Variants in SYNE3 observed in about 807,000 individuals in gnomAD.
SYNE3 encodes the protein nesprin-3.
SYNE3 carries 100 observed loss-of-function variants against 111.2 expected under a neutral mutation model. That is an observed-to-expected ratio of 0.90 (90% CI 0.77 to 1.06). The LOEUF is 1.06. Ranked by LOEUF, SYNE3 falls within the 50% of genes least tolerant of loss-of-function variation. The pLI, the probability that SYNE3 is intolerant of heterozygous loss-of-function variation, is 0.00. For synonymous variants in SYNE3, 547 were observed against 533.9 expected (o/e 1.02, Z -0.34); for missense variants, 1,160 against 1,240.3 (o/e 0.94, Z 0.97).
rs1418739998 is a variant in SYNE3, at chr14:95,414,654, C to T, written c.*3172G>A. On this transcript the variant is annotated 3_prime_UTR_variant, in exon 18 of 18. Coordinates refer to ENST00000682763, the MANE Select transcript of SYNE3 (RefSeq NM_152592.6). ...AACCGACCCACTGGTGGTCCTTTCT[C>T]CCTCCTCTCCTTCCCTCCTCTCTCT... 1 of 151,572 alleles carries T rather than the reference C, an allele frequency of 6.6e-6. No individual in the cohort carries two copies. Among genetic ancestry groups the T allele is most frequent in the Non-Finnish European group, 1.5e-5 (1 of 68,192 alleles). 9.4% of individuals were successfully genotyped at this position (151,572 alleles called of 1,614,324 possible).
chr14:95,495,971 C>G (rs1489896396), intron 1 of SYNE3, among the ~76,000 whole-genome samples: 1 of 152,200 alleles, frequency 6.6e-6, no homozygotes, highest in Non-Finnish European at 1.5e-5. Flanking sequence ...TGAAATGAAT[C>G]AGGCAGAGCA....
chr14:95,432,148 G>A lies in SYNE3; in HGVS notation c.2689-31C>T, dbSNP rs1201819023. 6 of 1,600,460 alleles carry A rather than the reference G, an allele frequency of 3.7e-6. No individual in the cohort carries two copies. In the Admixed American group the frequency reaches 6.9e-5, roughly 18 times the overall value. On this transcript the variant is annotated intron_variant, in intron 16 of 17. Transcript: ENST00000682763. ...ATTTTAGGGAAGGAGAGGAAAAGGG[G>A]GGAAAAAAATAAGTTAAGTGAGTGA...
At chr14:95,448,216 T>C (rs1886830584) in intron 8 of SYNE3, among the ~76,000 whole-genome samples, 1 of 152,212 alleles carries the variant, frequency 6.6e-6, no homozygotes, top group African/African-American at 2.4e-5. Flanking sequence ...TAATCAGATA[T>C]AAAGGACAGA....
intron 1 of SYNE3, among the ~76,000 whole-genome samples, chr14:95,502,623 G>T (rs1890379189): frequency 6.6e-6 from 1 of 152,136 alleles, no homozygotes; most frequent in African/African-American, 2.4e-5. Flanking sequence ...CCAAACTGAA[G>T]CAACAAGCAA....
chr14:95,426,943 C>CAAAA (rs574423106), intron 17 of SYNE3, among the ~76,000 whole-genome samples: 3 of 104,852 alleles, frequency 2.9e-5, no homozygotes, highest in East Asian at 2.8e-4. Flanking sequence ...GACTCCATCT[C>CAAAA]AAAAAAAAAA....
At chr14:95,497,157 C>A (rs1033104377) in intron 1 of SYNE3, among the ~76,000 whole-genome samples, 1 of 152,252 alleles carries the variant, frequency 6.6e-6, no homozygotes, top group Admixed American at 6.5e-5. Flanking sequence ...CCTGTCCCCC[C>A]ACACAGGGAT....
chr14:95,415,528 G>A lies in SYNE3; in HGVS notation c.*2298C>T, dbSNP rs1284136772. 6.6e-6 allele frequency: 1 copy of A among 152,148 alleles called. No individual in the cohort carries two copies. The highest frequency in any genetic ancestry group is 1.5e-5 in the Non-Finnish European group (1 of 68,038). The allele number at this position is 152,148 out of a possible 1,614,324, so 9.4% of individuals were successfully genotyped here. A position where few individuals can be genotyped will look rare whatever the true frequency, so the allele number is the denominator to read the frequency against. On this transcript the variant is annotated 3_prime_UTR_variant, in exon 18 of 18. Coordinates refer to ENST00000682763, the MANE Select transcript of SYNE3 (RefSeq NM_152592.6). Reference sequence around the variant, plus strand: ...CTACTTTTTGAACTTTTCATCCCCTGTAGTTGCCAATTCTGCATGTACTAG... The same window carrying A: ...CTACTTTTTGAACTTTTCATCCCCTATAGTTGCCAATTCTGCATGTACTAG...
rs367714906 is a variant in SYNE3, at chr14:95,443,146, G to T, written c.1911+9C>A. 9 of 1,613,530 alleles carry T rather than the reference G, an allele frequency of 5.6e-6. No homozygotes were observed. Among genetic ancestry groups the T allele is most frequent in the Non-Finnish European group, 6.8e-6 (8 of 1,179,806 alleles). On this transcript the variant is annotated intron_variant, in intron 11 of 17. Coordinates refer to ENST00000682763, the MANE Select transcript of SYNE3 (RefSeq NM_152592.6). The stretch of plus-strand genomic sequence containing the variant: ...TGTCAAAGCACAGGCCCTTCTGCCA[G>T]CCCCTTACCTCCAGAGACCTCTGCA...
rs1889484091 is a variant in SYNE3 at position 95,485,266 on chromosome 14, A to G, written c.-14-9431T>C. Among the ~76,000 whole-genome samples the G allele has an allele frequency of 6.6e-6, 1 of 152,162 alleles. No homozygotes were observed. The highest frequency in any genetic ancestry group is 2.1e-4 in the South Asian group (1 of 4,832). ...CCCCTGCCCTTCTTGCCTCAACTGC[A>G]TCAGTCACTTCTGTTTCTGAAGAGC... On this transcript the variant is annotated intron_variant, in intron 1 of 17. Coordinates refer to ENST00000682763, the MANE Select transcript of SYNE3 (RefSeq NM_152592.6). The surrounding 1 kb of genome is among the most constrained non-coding windows in gnomAD (Gnocchi z 4.3).
rs937213118 is a variant in SYNE3, at chr14:95,500,541, G to C, written c.-15+16055C>G. Among the ~76,000 whole-genome samples the C allele has an allele frequency of 6.6e-6, 1 of 152,232 alleles. No homozygotes were observed. The highest frequency in any genetic ancestry group is 1.5e-5 in the Non-Finnish European group (1 of 68,040). ...TTGCTTTGGCCCAGCCGGACTCAGC[G>C]GGAGGAGGCTGCCTTCCTCCTGGAG... On this transcript the variant is annotated intron_variant, in intron 1 of 17. Transcript: ENST00000682763. This position sits in a 1 kb window ranked among gnomAD's most constrained non-coding sequence, Gnocchi z 4.7.
At chr14:95,430,492 C>T (rs935958670) in intron 17 of SYNE3, among the ~76,000 whole-genome samples, 20 of 152,186 alleles carry the variant, frequency 1.3e-4, no homozygotes, top group African/African-American at 4.6e-4. Context: ...ACACGATCTT[C>T]AAAATAAGTT....
intron 1 of SYNE3, among the ~76,000 whole-genome samples, chr14:95,491,977 C>T (rs1889874022): frequency 6.6e-6 from 1 of 152,174 alleles, no homozygotes; most frequent in Non-Finnish European, 1.5e-5. Context: ...ATACCTACAT[C>T]TAAGATGGCC....
At chr14:95,430,084 T>C (rs2139367193) in intron 17 of SYNE3, 1 of 624,582 alleles carries the variant, frequency 1.6e-6, no homozygotes. Flanking sequence ...TAATTACAGG[T>C]TGTAGGAACC....
At chr14:95,496,890 T>C (rs4999523) in intron 1 of SYNE3, among the ~76,000 whole-genome samples, 97,704 of 152,132 alleles carry the variant, frequency 0.64, 31,857 homozygotes, top group African/African-American at 0.76. Context: ...CGGGCTCAAC[T>C]ATCCACTCTC....
chr14:95,423,882 T>A (rs1211361), intron 17 of SYNE3, among the ~76,000 whole-genome samples: 235 of 9,254 alleles, frequency 0.025, 2 homozygotes, highest in Non-Finnish European at 0.031. Flanking sequence ...GGGGATGGGG[T>A]TTTGATGGGG....
At chr14:95,439,258 A>T in intron 13 of SYNE3, 96 bp from the exon 14 acceptor site, 1 of 1,540,622 alleles carries the variant, frequency 6.5e-7, no homozygotes. Context: ...ACGGGTCACG[A>T]GTCAGTGCCC....
rs935710340 is a variant in SYNE3, at chr14:95,500,310, G to A, written c.-15+16286C>T. ...TTCCTGCCAGAACTTTGAGACGCCA[G>A]GTTTACGACGTGCCTGTGAGAAGCC... On this transcript the variant is annotated intron_variant, in intron 1 of 17. Coordinates refer to ENST00000682763, the MANE Select transcript of SYNE3 (RefSeq NM_152592.6). This position sits in a 1 kb window ranked among gnomAD's most constrained non-coding sequence, Gnocchi z 4.7. Among the ~76,000 whole-genome samples, 2 of 152,218 alleles carry A rather than the reference G, an allele frequency of 1.3e-5. No homozygotes were observed. The highest frequency in any genetic ancestry group is 4.8e-5 in the African/African-American group (2 of 41,446).
rs950383055 is a variant in SYNE3, at chr14:95,468,071, G to C, written c.145-104C>G. The stretch of plus-strand genomic sequence containing the variant: ...GCAAAGAGCCAGGACTCGAAGGCCA[G>C]AGGATCTGGGATTCACATCACAGCC... On this transcript the variant is annotated intron_variant, in intron 2 of 17. Transcript: ENST00000682763. The C allele has an allele frequency of 9.1e-6, 12 of 1,325,176 alleles. No individual in the cohort carries two copies. In the South Asian group the frequency reaches 1.8e-4, roughly 19 times the overall value. 82.1% of individuals were successfully genotyped at this position (1,325,176 alleles called of 1,614,324 possible). A position where few individuals can be genotyped will look rare whatever the true frequency, so the allele number is the denominator to read the frequency against.
chr14:95,463,446 C>G (rs1333278382), intron 4 of SYNE3, among the ~76,000 whole-genome samples: 1 of 152,200 alleles, frequency 6.6e-6, no homozygotes, highest in African/African-American at 2.4e-5. Flanking sequence ...ACATGCAAAC[C>G]TGCACACACA....
Sources: allele counts gnomAD v4.1 joint callset (sites outside exome capture counted in the v4.1 genomes callset), GRCh38; gene constraint gnomAD v4.1.1; non-coding constraint Gnocchi (gnomAD v3.1); transcripts MANE v1.5; gene names NCBI Gene and HGNC (gene_info 2026-07-23, HGNC 2026-07-21).